Variants in C12orf42 observed in about 807,000 individuals in gnomAD.
The protein encoded by C12orf42 is uncharacterized protein C12orf42.
C12orf42 carries 25 observed loss-of-function variants against 21.6 expected under a neutral mutation model. That is an observed-to-expected ratio of 1.16 (90% confidence interval 0.84 to 1.62). The LOEUF is 1.62. Among genes scored for constraint, C12orf42 ranks in the 40% most tolerant of loss-of-function variants. The pLI is 0.00. For synonymous variants in C12orf42, 174 were observed against 175.0 expected (o/e 0.99, Z 0.05); for missense variants, 483 against 459.3 (o/e 1.05, Z -0.47).
At chr12:103,380,824 C>A (rs368139384) in intron 3 of C12orf42, among the ~76,000 whole-genome samples, 4 of 152,188 alleles carry the variant, frequency 2.6e-5, no homozygotes, top group African/African-American at 7.2e-5. Flanking sequence ...CAAATCCTCA[C>A]AATAACCTTA....
intron 4 of C12orf42, among the ~76,000 whole-genome samples, chr12:103,283,721 C>A (rs1209120555): frequency 6.6e-6 from 1 of 152,230 alleles, no homozygotes; most frequent in Non-Finnish European, 1.5e-5. Flanking sequence ...CTCCCACCCA[C>A]TGGCACAAAG....
chr12:103,344,989 T>G (rs960854794), intron 4 of C12orf42, among the ~76,000 whole-genome samples: 1 of 152,204 alleles, frequency 6.6e-6, no homozygotes, highest in East Asian at 1.9e-4. Context: ...TACAACTTAG[T>G]AGCTAAGACT....
chr12:103,230,967 A>G, the C12orf42 span, among the ~76,000 whole-genome samples: 7 of 152,132 alleles, frequency 4.6e-5, no homozygotes, highest in African/African-American at 1.7e-4. Context: ...GTTTTTATAC[A>G]TACTGTCTTT....
intron 3 of C12orf42, among the ~76,000 whole-genome samples, chr12:103,388,327 T>G (rs1314402822): frequency 2.0e-5 from 3 of 152,136 alleles, no homozygotes; most frequent in African/African-American, 7.2e-5. Flanking sequence ...GGTCAGTGCC[T>G]AAACCCCAGG....
intron 10 of C12orf42, among the ~76,000 whole-genome samples, chr12:103,250,100 T>C (rs1412467283): frequency 6.6e-6 from 1 of 150,760 alleles, no homozygotes; most frequent in Non-Finnish European, 1.5e-5. Context: ...TCTATCTATC[T>C]ATCTATGTTT....
At chr12:103,094,400 T>C in the C12orf42 span, among the ~76,000 whole-genome samples, 1 of 152,194 alleles carries the variant, frequency 6.6e-6, no homozygotes, top group Non-Finnish European at 1.5e-5. Context: ...TCCTGAATTG[T>C]CTTAATCCAT....
intron 3 of C12orf42, among the ~76,000 whole-genome samples, chr12:103,389,700 G>C (rs566472042): frequency 6.6e-6 from 1 of 152,112 alleles, no homozygotes; most frequent in African/African-American, 2.4e-5. Context: ...CGCAGAAAAC[G>C]TTCTACTCAG....
chr12:103,175,358 G>A, the C12orf42 span, among the ~76,000 whole-genome samples: 135 of 152,074 alleles, frequency 8.9e-4, no homozygotes, highest in Non-Finnish European at 1.4e-3. Context: ...ATCCATTCAC[G>A]GACAAACCTA....
the C12orf42 span, among the ~76,000 whole-genome samples, chr12:103,197,388 T>A: frequency 1.3e-5 from 2 of 152,190 alleles, no homozygotes. Context: ...ATACTTGTAG[T>A]GAGTTTGTTT....
chr12:103,140,304 A>C, the C12orf42 span, among the ~76,000 whole-genome samples: 3 of 152,212 alleles, frequency 2.0e-5, no homozygotes, highest in Non-Finnish European at 4.4e-5. Context: ...TGAATGAAAG[A>C]CAGGCTGACC....
At chr12:103,426,474 C>G (rs1364995967) in intron 2 of C12orf42, among the ~76,000 whole-genome samples, 1 of 152,104 alleles carries the variant, frequency 6.6e-6, no homozygotes, top group African/African-American at 2.4e-5. Context: ...AAAGACCAAA[C>G]CTACGTTTGA....
At chr12:103,511,578 C>G in the C12orf42 span, among the ~76,000 whole-genome samples, 1 of 152,080 alleles carries the variant, frequency 6.6e-6, no homozygotes, top group South Asian at 2.1e-4. Flanking sequence ...TACCGCTCTT[C>G]CTCCTAACCT....
At chr12:103,424,798 T>G (rs570309860) in intron 2 of C12orf42, among the ~76,000 whole-genome samples, 15 of 152,296 alleles carry the variant, frequency 9.8e-5, no homozygotes, top group African/African-American at 3.6e-4. Flanking sequence ...TGTTTTGTTT[T>G]TCATTCCCCA....
chr12:103,397,937 T>C (rs2047672307), intron 3 of C12orf42, among the ~76,000 whole-genome samples: 3 of 152,168 alleles, frequency 2.0e-5, no homozygotes, highest in African/African-American at 7.2e-5. Flanking sequence ...TCCCAACACA[T>C]AGAAATGATA....
intron 3 of C12orf42, among the ~76,000 whole-genome samples, chr12:103,373,995 A>T (rs1411381670): frequency 3.3e-5 from 5 of 152,186 alleles, no homozygotes; most frequent in African/African-American, 1.2e-4. Flanking sequence ...CTTACCACTG[A>T]GGCATATGCA....
chr12:103,365,653 C>T (rs2044532708), intron 4 of C12orf42, among the ~76,000 whole-genome samples: 1 of 151,918 alleles, frequency 6.6e-6, no homozygotes, highest in South Asian at 2.1e-4. Flanking sequence ...TTAATGTACA[C>T]AAATTAGTAG....
chr12:103,337,308 TGAA>T (rs1318961230), intron 4 of C12orf42, among the ~76,000 whole-genome samples: 4 of 152,242 alleles, frequency 2.6e-5, no homozygotes, highest in South Asian at 4.1e-4. Context: ...TCTGAGACTG[TGAA>T]GAAGAACAGA....
upstream of C12orf42, chr12:103,496,122 GCA>G (rs1941511751): frequency 6.6e-6 from 1 of 152,362 alleles, no homozygotes; most frequent in Non-Finnish European, 1.5e-5. Flanking sequence ...TGTGGCCTGT[GCA>G]CGACTCCAAG....
At chr12:103,549,094 T>G in the C12orf42 span, 1 of 152,256 alleles carries the variant, frequency 6.6e-6, no homozygotes. Flanking sequence ...AGTGTCACTG[T>G]TCAGACTTTA....
Sources: allele counts gnomAD v4.1 joint callset (sites outside exome capture counted in the v4.1 genomes callset), GRCh38; gene constraint gnomAD v4.1.1; transcripts MANE v1.5; gene names NCBI Gene and HGNC (gene_info 2026-07-23, HGNC 2026-07-21).